Variants in LY96 observed in about 807,000 individuals in gnomAD.
LY96 encodes the protein myeloid differentiation protein-2.
A neutral mutation model predicts 18.9 loss-of-function variants in LY96; 18 were observed. That is an observed-to-expected ratio of 0.95 (90% confidence interval 0.66 to 1.41). The LOEUF (loss-of-function observed/expected upper bound fraction) is 1.41. Ranked by LOEUF, LY96 falls within the 40% of genes most tolerant of loss-of-function variation. The probability of loss-of-function intolerance (pLI) is 0.00; values close to 1 mark genes in which losing one functional copy is unlikely to be tolerated. For missense variants in LY96, 175 were observed against 182.4 expected, an observed-to-expected ratio of 0.96 and a Z score of 0.23; for synonymous variants, 66 against 62.6, an observed-to-expected ratio of 1.06 and a Z score of -0.26.
At chr8:74,080,978 T>TTCTCTCTC in the LY96 span, among the ~76,000 whole-genome samples, 21 of 141,320 alleles carry the variant, frequency 1.5e-4, no homozygotes, top group Non-Finnish European at 2.5e-4. Context: ...CTTTCTTTCT[T>TTCTCTCTC]TCTCTCTCTT....
chr8:74,025,641 C>T (rs372565788), intron 3 of LY96, among the ~76,000 whole-genome samples: 14 of 125,676 alleles, frequency 1.1e-4, no homozygotes, highest in East Asian at 1.1e-3. Flanking sequence ...GGCGACAGAG[C>T]GAAACTCCGT....
At chr8:74,047,874 G>GTTTAA in the LY96 span, among the ~76,000 whole-genome samples, 1 of 151,786 alleles carries the variant, frequency 6.6e-6, no homozygotes, top group Admixed American at 6.6e-5. Flanking sequence ...ATTTCCCACT[G>GTTTAA]TTTTATTTTA....
chr8:74,080,984 C>CTCTCTCTTTCTT, the LY96 span, among the ~76,000 whole-genome samples: 40 of 105,236 alleles, frequency 3.8e-4, no homozygotes, highest in Non-Finnish European at 5.6e-4. Flanking sequence ...TTCTTTCTCT[C>CTCTCTCTTTCTT]TCTTTCTTTC....
At chr8:74,077,350 G>A in the LY96 span, among the ~76,000 whole-genome samples, 6 of 152,176 alleles carry the variant, frequency 3.9e-5, no homozygotes, top group African/African-American at 1.4e-4. Flanking sequence ...AATTCCAAGG[G>A]TTTTAGGAGT....
chr8:74,080,346 T>C, the LY96 span, among the ~76,000 whole-genome samples: 2 of 152,102 alleles, frequency 1.3e-5, no homozygotes, highest in African/African-American at 4.8e-5. Context: ...CTCATGGCCG[T>C]GGTTGAGGAA....
the LY96 span, among the ~76,000 whole-genome samples, chr8:74,077,147 C>G: frequency 6.6e-6 from 1 of 152,204 alleles, no homozygotes; most frequent in African/African-American, 2.4e-5. Context: ...CTTCTCTTCT[C>G]TCTCTGGGCA....
At chr8:74,091,448 G>A in the LY96 span, among the ~76,000 whole-genome samples, 1,668 of 152,316 alleles carry the variant, frequency 0.011, 15 homozygotes, top group Middle Eastern at 0.02. Flanking sequence ...TTTCCTATGA[G>A]TCAGGCAGAG....
the LY96 span, among the ~76,000 whole-genome samples, chr8:74,099,238 T>C: frequency 3.9e-5 from 6 of 152,186 alleles, no homozygotes. Flanking sequence ...AACCCCAGAA[T>C]AACCTTGAAA....
chr8:74,038,344 AC>A, the LY96 span, among the ~76,000 whole-genome samples: 5 of 151,868 alleles, frequency 3.3e-5, no homozygotes, highest in African/African-American at 9.7e-5. Flanking sequence ...CCTCTGTGCC[AC>A]CCCCCGTTCC....
chr8:74,080,986 CTTT>C, the LY96 span, among the ~76,000 whole-genome samples: 5 of 46,164 alleles, frequency 1.1e-4, no homozygotes, highest in South Asian at 8.6e-4. Flanking sequence ...CTTTCTCTCT[CTTT>C]CTTTCTTTCT....
At chr8:74,048,202 A>T in the LY96 span, among the ~76,000 whole-genome samples, 1 of 151,578 alleles carries the variant, frequency 6.6e-6, no homozygotes, top group Admixed American at 6.6e-5. Context: ...ATCAGCTCCC[A>T]CCATTATTTT....
Position 74,026,807 on chromosome 8 carries a change from TATC to T in LY96, c.353_355del (p.Ser118del). On this transcript the variant is annotated inframe_deletion, in exon 4 of 5. Coordinates refer to ENST00000284818, the MANE Select transcript of LY96 (RefSeq NM_015364.5). ...TTTGCAGAGACTGTGAATACAACAA[TATC>T]ATTCTCCTTCAAGGGAATAAAATTT... 1 of 1,535,032 alleles carries T rather than the reference TATC, an allele frequency of 6.5e-7. No individual in the cohort carries two copies. Among genetic ancestry groups the T allele is most frequent in the Non-Finnish European group, 9.0e-7 (1 of 1,108,568 alleles).
At chr8:73,998,257 ACT>A (rs1397506541) in intron 1 of LY96, among the ~76,000 whole-genome samples, 2 of 152,246 alleles carry the variant, frequency 1.3e-5, no homozygotes, top group East Asian at 3.8e-4. Flanking sequence ...TGTTCTGTAA[ACT>A]ACAAGGGTTT....
At chr8:74,019,730 G>A (rs1816720947) in intron 3 of LY96, among the ~76,000 whole-genome samples, 1 of 152,146 alleles carries the variant, frequency 6.6e-6, no homozygotes, top group Admixed American at 6.6e-5. Context: ...CCAAGATCAA[G>A]TTGGCTTCAT....
downstream of LY96, chr8:74,029,130 GAT>G: frequency 1.3e-6 from 1 of 788,014 alleles, no homozygotes; most frequent in South Asian, 1.5e-5. Flanking sequence ...GTTTTAATCA[GAT>G]ATGGTAGGAT....
chr8:74,073,031 A>G, the LY96 span, among the ~76,000 whole-genome samples: 2 of 152,200 alleles, frequency 1.3e-5, no homozygotes, highest in Admixed American at 6.5e-5. Flanking sequence ...TCCATGATGC[A>G]GGTAGTCAGG....
the LY96 span, among the ~76,000 whole-genome samples, chr8:74,089,789 G>A: frequency 1.3e-5 from 2 of 152,104 alleles, no homozygotes; most frequent in Non-Finnish European, 2.9e-5. Context: ...AAGGAGTGCT[G>A]TTATGATTTC....
chr8:74,045,606 G>A, the LY96 span, among the ~76,000 whole-genome samples: 1 of 152,288 alleles, frequency 6.6e-6, no homozygotes, highest in East Asian at 1.9e-4. Context: ...TAAAGGGAAT[G>A]TTTACAGAGG....
At chr8:74,027,731 CT>C (rs758328220) in intron 4 of LY96, among the ~76,000 whole-genome samples, 1 of 152,182 alleles carries the variant, frequency 6.6e-6, no homozygotes, top group Non-Finnish European at 1.5e-5. Flanking sequence ...TATATACATT[CT>C]AAGGTATATG....
Sources: allele counts gnomAD v4.1 joint callset (sites outside exome capture counted in the v4.1 genomes callset), GRCh38; gene constraint gnomAD v4.1.1; transcripts MANE v1.5; gene names NCBI Gene and HGNC (gene_info 2026-07-23, HGNC 2026-07-21).